CADM2: variants seen among roughly 807,000 people sequenced by gnomAD.
The protein encoded by CADM2 is immunoglobulin superfamily member 4D.
Under a neutral mutation model 49.8 loss-of-function variants are expected in CADM2, and 12 were observed. That is an observed-to-expected ratio of 0.24 (90% CI 0.15 to 0.39). The LOEUF is 0.39. Among genes scored for constraint, CADM2 ranks in the 10% least tolerant of loss-of-function variants. The pLI is 1.00. For missense variants in CADM2, 378 were observed against 492.3 expected, an observed-to-expected ratio of 0.77 and a Z score of 2.20; for synonymous variants, 214 against 175.4, an observed-to-expected ratio of 1.22 and a Z score of -1.74.
rs1037254495 is a variant in CADM2, at chr3:85,246,426, C to T, written c.61+286758C>T. ...TAACCTGCACGTCATGCACATGTAC[C>T]CTAGAACTTAAAGTATAATAAATAA... is the stretch of plus-strand genomic sequence containing the variant. On this transcript the variant is annotated intron_variant, in intron 1 of 9. Coordinates refer to ENST00000383699, the MANE Select transcript of CADM2 (RefSeq NM_001167675.2). Among the ~76,000 whole-genome samples, 13 of 151,686 alleles carry T rather than the reference C, an allele frequency of 8.6e-5. 1 individual carries two copies. Among genetic ancestry groups the T allele is most frequent in the South Asian group, 4.2e-4 (2 of 4,772 alleles).
intron 1 of CADM2, among the ~76,000 whole-genome samples, chr3:85,438,010 T>G (rs893615376): frequency 5.3e-5 from 8 of 152,098 alleles, no homozygotes; most frequent in Admixed American, 4.6e-4. Flanking sequence ...CCTACAATTA[T>G]TATATTTAAA....
chr3:85,822,393 G>T (rs2073638489), intron 3 of CADM2, among the ~76,000 whole-genome samples: 1 of 152,022 alleles, frequency 6.6e-6, no homozygotes, highest in East Asian at 1.9e-4. Context: ...AGACCAGCCT[G>T]GCCAACATGA....
intron 1 of CADM2, among the ~76,000 whole-genome samples, chr3:85,324,308 C>T (rs181054840): frequency 9.0e-4 from 137 of 152,236 alleles, no homozygotes; most frequent in African/African-American, 3.2e-3. Flanking sequence ...ATCATTTGTG[C>T]ATAGTAACAG....
intron 1 of CADM2, among the ~76,000 whole-genome samples, chr3:85,584,656 A>G (rs2062888161): frequency 6.6e-6 from 1 of 152,080 alleles, no homozygotes; most frequent in Non-Finnish European, 1.5e-5. Context: ...GACTTGAAAA[A>G]GAAAAGAAAA....
chr3:85,952,187 G>T (rs527339781), intron 7 of CADM2, among the ~76,000 whole-genome samples: 2 of 151,118 alleles, frequency 1.3e-5, no homozygotes, highest in South Asian at 2.1e-4. Flanking sequence ...AGAGAACTGA[G>T]AAGTCAAGGT....
intron 1 of CADM2, among the ~76,000 whole-genome samples, chr3:85,086,330 A>T (rs2107512376): frequency 6.6e-6 from 1 of 152,102 alleles, no homozygotes; most frequent in South Asian, 2.1e-4. Flanking sequence ...AAAGAAAGCC[A>T]ACAAATATGC....
chr3:85,144,290 C>T lies in CADM2; in HGVS notation c.61+184622C>T, dbSNP rs186241988. Among the ~76,000 whole-genome samples the T allele has an allele frequency of 3.2e-4, 49 of 151,700 alleles. 2 individuals carry two copies. The East Asian group carries it at 8.6e-3, about 26-fold the overall frequency. On this transcript the variant is annotated intron_variant, in intron 1 of 9. Transcript: ENST00000383699. ...ACACACATGTGCACACAATCTTTCT[C>T]GTGTCTTTAAAATATAAACATCATA...
At chr3:86,016,357 A>G (rs1732230036) in intron 8 of CADM2, among the ~76,000 whole-genome samples, 1 of 152,214 alleles carries the variant, frequency 6.6e-6, no homozygotes, top group African/African-American at 2.4e-5. Context: ...TATTTCTTGT[A>G]CCAATCTATC....
At chr3:85,620,468 T>G (rs2063939565) in intron 1 of CADM2, among the ~76,000 whole-genome samples, 1 of 152,022 alleles carries the variant, frequency 6.6e-6, no homozygotes, top group Admixed American at 6.6e-5. Context: ...TATGAAAAAT[T>G]TTTAAGCAAC....
chr3:85,745,955 C>A (rs1245155031), intron 2 of CADM2, among the ~76,000 whole-genome samples: 1 of 152,032 alleles, frequency 6.6e-6, no homozygotes, highest in South Asian at 2.1e-4. Flanking sequence ...CAACTTTAGC[C>A]TTCCCCACTC....
Position 84,959,072 on chromosome 3 carries a change from C to T in CADM2, c.-536C>T. ...ATCCGGGAGCCGCCACTGCCGCCGC[C>T]GCTGCCGCTGCTACCGCCACTAGCG... On this transcript the variant is annotated 5_prime_UTR_variant, in exon 1 of 10. Coordinates refer to ENST00000383699, the MANE Select transcript of CADM2 (RefSeq NM_001167675.2). The T allele has an allele frequency of 5.0e-6, 1 of 201,498 alleles. No individual in the cohort carries two copies. Among genetic ancestry groups the T allele is most frequent in the Non-Finnish European group, 9.9e-6 (1 of 100,666 alleles). 12.5% of individuals were successfully genotyped at this position (201,498 alleles called of 1,614,324 possible). A position where few individuals can be genotyped will look rare whatever the true frequency, so the allele number is the denominator to read the frequency against.
chr3:85,650,502 G>T (rs1302491485), intron 1 of CADM2, among the ~76,000 whole-genome samples: 3 of 110,018 alleles, frequency 2.7e-5, no homozygotes, highest in African/African-American at 1.1e-4. Context: ...TATTTTAAGT[G>T]ATCAGAAAAA....
intron 7 of CADM2, among the ~76,000 whole-genome samples, chr3:85,948,012 T>G (rs1722950584): frequency 6.6e-6 from 1 of 151,560 alleles, no homozygotes. Context: ...GAAGACACCA[T>G]TTTGGAATGG....
At chr3:85,757,529 G>C (rs1221840014) in intron 2 of CADM2, among the ~76,000 whole-genome samples, 2 of 152,080 alleles carry the variant, frequency 1.3e-5, no homozygotes, top group East Asian at 1.9e-4. Flanking sequence ...ACAGAAACAT[G>C]AGATGGAGCA....
chr3:85,244,549 G>T (rs2042606615), intron 1 of CADM2, among the ~76,000 whole-genome samples: 2 of 152,054 alleles, frequency 1.3e-5, no homozygotes, highest in South Asian at 4.2e-4. Flanking sequence ...CTTTAGTTAT[G>T]TTTATAACAA....
At chr3:85,762,905 A>G (rs1334551078) in intron 2 of CADM2, among the ~76,000 whole-genome samples, 1 of 151,608 alleles carries the variant, frequency 6.6e-6, no homozygotes, top group Admixed American at 6.6e-5. Flanking sequence ...TAGTTTATTC[A>G]CTTTAACTGT....
intron 1 of CADM2, among the ~76,000 whole-genome samples, chr3:85,496,327 C>T (rs570940301): frequency 6.6e-6 from 1 of 152,224 alleles, no homozygotes; most frequent in Non-Finnish European, 1.5e-5. Flanking sequence ...ATTTTGCTTA[C>T]GATAATGGCC....
At chr3:85,605,681 T>C (rs1164505959) in intron 1 of CADM2, among the ~76,000 whole-genome samples, 1 of 152,062 alleles carries the variant, frequency 6.6e-6, no homozygotes, top group African/African-American at 2.4e-5. Context: ...TTTATTTAGA[T>C]GATTCACCAC....
chr3:85,769,551 A>G (rs907513388), intron 2 of CADM2, among the ~76,000 whole-genome samples: 9 of 77,994 alleles, frequency 1.2e-4, no homozygotes, highest in Non-Finnish European at 2.1e-4. Context: ...GTATATACAT[A>G]TATGTATATA....
Sources: allele counts gnomAD v4.1 joint callset (sites outside exome capture counted in the v4.1 genomes callset), GRCh38; gene constraint gnomAD v4.1.1; transcripts MANE v1.5; gene names NCBI Gene and HGNC (gene_info 2026-07-23, HGNC 2026-07-21).